STARD13: variants seen among roughly 807,000 people sequenced by gnomAD.
The protein encoded by STARD13 is StAR related lipid transfer domain containing 13.
STARD13 carries 62 observed loss-of-function variants against 106.4 expected under a neutral mutation model. That is an observed-to-expected ratio of 0.58 (90% CI 0.48 to 0.72). STARD13 has a LOEUF of 0.72. Among genes scored for constraint, STARD13 ranks in the 30% least tolerant of loss-of-function variants. The pLI, the probability that STARD13 is intolerant of heterozygous loss-of-function variation, is 0.00. For missense variants in STARD13, 1,387 were observed against 1,424.0 expected, an observed-to-expected ratio of 0.97 and a Z score of 0.42; for synonymous variants, 565 against 553.0, an observed-to-expected ratio of 1.02 and a Z score of -0.31.
upstream of STARD13, among the ~76,000 whole-genome samples, chr13:33,353,460 G>A (rs1286382405): frequency 6.6e-6 from 1 of 152,142 alleles, no homozygotes; most frequent in Non-Finnish European, 1.5e-5. Context: ...CCTCCCCTGG[G>A]TTCCTCCTTT....
chr13:33,468,580 C>T, the STARD13 span, among the ~76,000 whole-genome samples: 3 of 151,632 alleles, frequency 2.0e-5, no homozygotes, highest in African/African-American at 7.3e-5. Context: ...CCCACCCCCT[C>T]CCCCACTCTC....
At chr13:33,358,547 G>A in the STARD13 span, among the ~76,000 whole-genome samples, 2,308 of 152,060 alleles carry the variant, frequency 0.015, 32 homozygotes, top group Middle Eastern at 0.051. Flanking sequence ...TGCACCAATC[G>A]ACACTCTGTA....
At chr13:33,509,425 C>G in the STARD13 span, among the ~76,000 whole-genome samples, 1 of 152,140 alleles carries the variant, frequency 6.6e-6, no homozygotes, top group Non-Finnish European at 1.5e-5. Context: ...TCCTGGTCAA[C>G]CAGGGATCTG....
intron 3 of STARD13, among the ~76,000 whole-genome samples, chr13:33,145,566 G>C (rs970763287): frequency 6.6e-6 from 1 of 151,974 alleles, no homozygotes; most frequent in Admixed American, 6.5e-5. Flanking sequence ...ATTTGTACTT[G>C]AATGTTCATA....
At chr13:33,128,080 G>C (rs995574894) in intron 5 of STARD13, among the ~76,000 whole-genome samples, 13 of 152,016 alleles carry the variant, frequency 8.6e-5, no homozygotes, top group African/African-American at 2.7e-4. Flanking sequence ...GAGACAGAAA[G>C]ATAGAGACAG....
At chr13:33,654,557 C>T in the STARD13 span, 1 of 152,032 alleles carries the variant, frequency 6.6e-6, no homozygotes, top group South Asian at 2.1e-4. Flanking sequence ...GGTGATTTAA[C>T]AATGTTGGGA....
At chr13:33,623,305 A>ATT in the STARD13 span, among the ~76,000 whole-genome samples, 3 of 151,884 alleles carry the variant, frequency 2.0e-5, no homozygotes, top group Non-Finnish European at 4.4e-5. Flanking sequence ...TAAAACTTAA[A>ATT]ACCACAAATT....
chr13:33,397,356 G>T, the STARD13 span, among the ~76,000 whole-genome samples: 15 of 152,282 alleles, frequency 9.9e-5, no homozygotes, highest in East Asian at 1.9e-4. Context: ...CTAAACCCAG[G>T]ATTCTTTCTT....
rs371674936 is a variant in STARD13, at chr13:33,309,226, T to C, written c.124+41064A>G. Among the ~76,000 whole-genome samples the C allele has an allele frequency of 1.3e-3, 198 of 152,314 alleles. 2 individuals carry two copies. Among genetic ancestry groups the C allele is most frequent in the African/African-American group, 4.6e-3 (191 of 41,570 alleles). ...ACACGACAGCTCCAGCCCTGCCTCCTCCATGAGCCCTCCTGGGATCATACA... is the reference window on the plus strand; with the variant it reads ...ACACGACAGCTCCAGCCCTGCCTCCCCCATGAGCCCTCCTGGGATCATACA... On this transcript the variant is annotated intron_variant, in intron 1 of 5. Coordinates refer to the STARD13 transcript ENST00000567873.
intron 1 of STARD13, chr13:33,276,318 A>G (rs1206462777): frequency 6.6e-6 from 1 of 152,204 alleles, no homozygotes; most frequent in East Asian, 1.9e-4. Context: ...GATGGATTTC[A>G]CACTCTATTT....
In STARD13 at chr13:33,112,737, T is replaced by A. The variant is rs1874789125; in HGVS notation, c.2476A>T (p.Lys826Ter). Reference sequence around the variant, plus strand: ...AAAACCCACCGTGGAGAGCTTTCTTTCTTCAATAAATTAAGATGAAAGAGG... The same window carrying A: ...AAAACCCACCGTGGAGAGCTTTCTTACTTCAATAAATTAAGATGAAAGAGG... ...PSLFHLNLLK[K>*]ESSPRVIQKK... is the part of the protein sequence containing the mutation. The change falls in exon 9 of 14, where the codon AAA becomes TAA. Residue 826 changes from lysine (K) to a stop codon, truncating the protein, a stop_gained. Transcript: ENST00000336934. LOFTEE classifies it high-confidence loss of function. The A allele has an allele frequency of 6.3e-7, 1 of 1,599,970 alleles. No homozygotes were observed. Among genetic ancestry groups the A allele is most frequent in the Non-Finnish European group, 8.5e-7 (1 of 1,173,954 alleles).
the STARD13 span, among the ~76,000 whole-genome samples, chr13:33,587,242 G>C: frequency 1.3e-5 from 2 of 151,016 alleles, no homozygotes; most frequent in South Asian, 4.2e-4. Context: ...AATTCTCTTA[G>C]TTTCAGGCAT....
At chr13:33,675,268 A>G in the STARD13 span, among the ~76,000 whole-genome samples, 8 of 152,208 alleles carry the variant, frequency 5.3e-5, no homozygotes, top group Admixed American at 1.3e-4. Flanking sequence ...TCTAATCCTT[A>G]GAGTGAATGA....
chr13:33,628,766 AC>A, the STARD13 span, among the ~76,000 whole-genome samples: 1 of 152,228 alleles, frequency 6.6e-6, no homozygotes, highest in East Asian at 1.9e-4. Context: ...ATGAACAGAG[AC>A]TTTTCAATCA....
chr13:33,378,411 C>G, the STARD13 span, among the ~76,000 whole-genome samples: 8 of 152,216 alleles, frequency 5.3e-5, no homozygotes. Flanking sequence ...CCACCTGGAG[C>G]CCCATCTCCT....
chr13:33,542,724 C>G, the STARD13 span, among the ~76,000 whole-genome samples: 3 of 152,246 alleles, frequency 2.0e-5, no homozygotes, highest in African/African-American at 7.2e-5. Flanking sequence ...GGACCAGAGG[C>G]TGGTTGCAGC....
Position 33,177,201 on chromosome 13 carries a change from A to G in STARD13, c.170-9579T>C, listed in dbSNP as rs115552555. Among the ~76,000 whole-genome samples the G allele has an allele frequency of 4.1e-3, 630 of 152,310 alleles. 6 individuals carry two copies. Among genetic ancestry groups the G allele is most frequent in the African/African-American group, 0.014 (598 of 41,576 alleles). ...GTCTTGGCTAATCTGCCTGCCAAAT[A>G]CTCACTGAATTCAGGTATAAAAAGA... On this transcript the variant is annotated intron_variant, in intron 1 of 13. Coordinates refer to ENST00000336934, the MANE Select transcript of STARD13 (RefSeq NM_178006.4).
At chr13:33,437,865 T>C in the STARD13 span, among the ~76,000 whole-genome samples, 75,405 of 152,050 alleles carry the variant, frequency 0.5, 19,710 homozygotes, top group African/African-American at 0.67. Flanking sequence ...CTTGCTTATT[T>C]GATTTTTTCC....
chr13:33,283,366 G>A (rs1334454147), intron 1 of STARD13, among the ~76,000 whole-genome samples: 1 of 152,130 alleles, frequency 6.6e-6, no homozygotes, highest in Admixed American at 6.5e-5. Context: ...AGTTCCTACT[G>A]GGTGACCTTG....
Sources: allele counts gnomAD v4.1 joint callset (sites outside exome capture counted in the v4.1 genomes callset), GRCh38; gene constraint gnomAD v4.1.1; transcripts MANE v1.5; gene names NCBI Gene and HGNC (gene_info 2026-07-23, HGNC 2026-07-21).